PHEX: variants seen among roughly 807,000 people sequenced by gnomAD.
PHEX encodes the protein phosphate regulating endopeptidase X-linked, also known as phosphate-regulating neutral endopeptidase PHEX.
In PHEX, 16 loss-of-function variants were observed where a neutral mutation model predicts 68.0. The observed-to-expected ratio is 0.24, with a 90% confidence interval of 0.16 to 0.36. The LOEUF is 0.36. Ranked by LOEUF, PHEX falls within the 10% of genes least tolerant of loss-of-function variation. The pLI, the probability that PHEX is intolerant of heterozygous loss-of-function variation, is 1.00. For missense variants in PHEX, 480 were observed against 575.5 expected, an observed-to-expected ratio of 0.83 and a Z score of 1.70; for synonymous variants, 208 against 205.1, an observed-to-expected ratio of 1.01 and a Z score of -0.12.
At chrX:22,110,605 C>G (rs192164597) in intron 9 of PHEX, among the ~76,000 whole-genome samples, 1 of 86,474 alleles carries the variant, frequency 1.2e-5, no homozygotes, top group African/African-American at 4.3e-5. Context: ...ATCCCTCCCC[C>G]CTCCCTCTAT....
chrX:22,213,023 G>C, intron 16 of PHEX, 65 bp downstream of exon 16: 1 of 871,295 alleles, frequency 1.1e-6, no homozygotes, highest in Admixed American at 2.2e-5. Flanking sequence ...TTTGGTAGAG[G>C]ACAGAAGAAA....
In PHEX at chrX:22,099,128, G is replaced by T; in HGVS notation, c.1056G>T (p.Arg352Ser). The T allele has an allele frequency of 1.7e-6, 2 of 1,209,201 alleles. No homozygotes were observed. Among genetic ancestry groups the T allele is most frequent in the East Asian group, 5.9e-5 (2 of 33,842 alleles). Residue 352 changes from arginine (R) to serine (S), a missense_variant, in exon 9 of 22, where the codon AGG becomes AGT. Coordinates refer to ENST00000379374, the MANE Select transcript of PHEX (RefSeq NM_000444.6). ...CGCAGTACTTTAAAGATTTGTTTAGGATATTAGGGTCTGAGAGAAAGAAGT... is the reference window on the plus strand; with the variant it reads ...CGCAGTACTTTAAAGATTTGTTTAGTATATTAGGGTCTGAGAGAAAGAAGT... ...RVPQYFKDLF[R>S]ILGSERKKTI...
At chrX:22,224,117 C>T (rs181612331) in intron 18 of PHEX, among the ~76,000 whole-genome samples, 75 of 111,286 alleles carry the variant, frequency 6.7e-4, no homozygotes, top group African/African-American at 2.3e-3. Context: ...CCAGTAGCTG[C>T]GATTACAGGT....
At chrX:22,092,242 G>A (rs1332233276) in intron 6 of PHEX, among the ~76,000 whole-genome samples, 1 of 111,588 alleles carries the variant, frequency 9.0e-6, no homozygotes, top group Non-Finnish European at 1.9e-5. Context: ...ATAATTACAT[G>A]TTTATCTCCC....
At chrX:22,176,755 T>G (rs1392758969) in intron 13 of PHEX, among the ~76,000 whole-genome samples, 1 of 111,092 alleles carries the variant, frequency 9.0e-6, no homozygotes, top group East Asian at 2.8e-4. Context: ...TTTTGCATGT[T>G]TAAAAACTTT....
intron 11 of PHEX, among the ~76,000 whole-genome samples, chrX:22,132,173 T>A (rs1301633738): frequency 9.0e-6 from 1 of 111,670 alleles, no homozygotes; most frequent in Non-Finnish European, 1.9e-5. Flanking sequence ...AGTCATAGCT[T>A]ACTGCAGCCT....
At chrX:22,125,660 G>A (rs1386050282) in intron 11 of PHEX, among the ~76,000 whole-genome samples, 2 of 111,558 alleles carry the variant, frequency 1.8e-5, no homozygotes, top group African/African-American at 6.5e-5. Context: ...TTTGGTAGTA[G>A]GCTACAGTCA....
intron 5 of PHEX, 102 bp downstream of exon 5, chrX:22,077,804 C>A: frequency 1.7e-6 from 1 of 600,903 alleles, no homozygotes; most frequent in Non-Finnish European, 2.9e-6. Context: ...GAAATAATAA[C>A]ATAAAACACT....
At chrX:22,087,332 GGCAGATTGGGAATT>G (rs1391218698) in intron 5 of PHEX, among the ~76,000 whole-genome samples, 1 of 111,680 alleles carries the variant, frequency 9.0e-6, no homozygotes, top group Non-Finnish European at 1.9e-5. Context: ...AAGAAATAGT[GGCAGATTGGGAATT>G]GCAGTAGGAC....
intron 9 of PHEX, among the ~76,000 whole-genome samples, chrX:22,109,720 C>T (rs951412260): frequency 3.6e-5 from 4 of 111,749 alleles, no homozygotes; most frequent in Admixed American, 9.5e-5. Context: ...TCCATCATCA[C>T]TATTGAGTTA....
chrX:22,122,896 G>A (rs1361279684), intron 11 of PHEX, among the ~76,000 whole-genome samples: 1 of 110,634 alleles, frequency 9.0e-6, no homozygotes, highest in Non-Finnish European at 1.9e-5. Flanking sequence ...CTAGGCTCAG[G>A]ACAGGCATAA....
At chrX:22,184,282 C>A (rs1333494482) in intron 14 of PHEX, among the ~76,000 whole-genome samples, 6 of 109,523 alleles carry the variant, frequency 5.5e-5, no homozygotes, top group African/African-American at 2.0e-4. Flanking sequence ...TGGACCTTTT[C>A]AGGCATTGTA....
At chrX:22,115,206 C>CTG (rs1185993208) in intron 11 of PHEX, among the ~76,000 whole-genome samples, 1 of 111,306 alleles carries the variant, frequency 9.0e-6, no homozygotes, top group Non-Finnish European at 1.9e-5. Context: ...TGGCAGGCAC[C>CTG]TGTAATCCCA....
intron 12 of PHEX, among the ~76,000 whole-genome samples, chrX:22,142,601 T>A (rs1290992219): frequency 8.9e-6 from 1 of 112,411 alleles, no homozygotes; most frequent in African/African-American, 3.2e-5. Context: ...TTGTTCATCC[T>A]TTGGCAATGC....
At chrX:22,100,579 G>A (rs1050291589) in intron 9 of PHEX, among the ~76,000 whole-genome samples, 1 of 111,558 alleles carries the variant, frequency 9.0e-6, no homozygotes, top group Non-Finnish European at 1.9e-5. Context: ...TGTTAAAAGA[G>A]TAGGTACTTC....
chrX:22,166,021 A>G (rs767632640), intron 12 of PHEX, among the ~76,000 whole-genome samples: 3 of 112,106 alleles, frequency 2.7e-5, no homozygotes, highest in South Asian at 7.5e-4. Context: ...CCCAGGGACC[A>G]TATTTTGCCA....
rs940977032 is a variant in PHEX, at chrX:22,157,894, T to C, written c.1405-10418T>C. 9.8e-5 allele frequency among the ~76,000 whole-genome samples: 11 copies of C among 112,292 alleles called. 1 individual carries two copies. The highest frequency in any genetic ancestry group is 3.6e-4 in the African/African-American group (11 of 30,950). ...TGCACTTAGAGAGCCTTCTGATTCATGGAAGTGCTTATCTATCTTCTACCC... is the reference window on the plus strand; with the variant it reads ...TGCACTTAGAGAGCCTTCTGATTCACGGAAGTGCTTATCTATCTTCTACCC... On this transcript the variant is annotated intron_variant, in intron 12 of 21. Coordinates refer to ENST00000379374, the MANE Select transcript of PHEX (RefSeq NM_000444.6).
At chrX:22,153,409 G>A (rs1932890247) in intron 12 of PHEX, among the ~76,000 whole-genome samples, 1 of 112,144 alleles carries the variant, frequency 8.9e-6, no homozygotes, top group South Asian at 3.7e-4. Flanking sequence ...GTTGTTCATG[G>A]CGCTACTTGG....
intron 12 of PHEX, 50 bp from the exon 13 acceptor site, chrX:22,168,262 T>C (rs768819275): frequency 3.4e-6 from 3 of 870,889 alleles, no homozygotes; most frequent in East Asian, 6.2e-5. Context: ...TGATTATTAA[T>C]GATTTAAGTG....
Sources: allele counts gnomAD v4.1 joint callset (sites outside exome capture counted in the v4.1 genomes callset), GRCh38; gene constraint gnomAD v4.1.1; transcripts MANE v1.5; gene names NCBI Gene and HGNC (gene_info 2026-07-23, HGNC 2026-07-21).